Variants in HNF4G observed in about 807,000 individuals in gnomAD.
HNF4G encodes the protein hepatocyte nuclear factor 4-gamma.
A neutral mutation model predicts 50.9 loss-of-function variants in HNF4G; 21 were observed. That is an observed-to-expected ratio of 0.41 (90% CI 0.29 to 0.59). The LOEUF (loss-of-function observed/expected upper bound fraction) is 0.59, where lower values mean the gene tolerates loss of function less well. Ranked by LOEUF, HNF4G falls within the 20% of genes least tolerant of loss-of-function variation. HNF4G has a pLI of 0.26. For missense variants in HNF4G, 527 were observed against 559.4 expected (o/e 0.94, Z 0.58); for synonymous variants, 198 against 185.6 (o/e 1.07, Z -0.54).
intron 1 of HNF4G, among the ~76,000 whole-genome samples, chr8:75,434,763 G>A (rs1208967815): frequency 6.6e-6 from 1 of 151,782 alleles, no homozygotes; most frequent in Non-Finnish European, 1.5e-5. Context: ...GTATTACAAT[G>A]ATAATACAGG....
At chr8:75,539,769 A>G (rs543953406), upstream of HNF4G, 26 of 471,828 alleles carry the variant, frequency 5.5e-5, no homozygotes, top group Admixed American at 1.0e-3. Flanking sequence ...TTCATATGCC[A>G]TAAAAGAAGA....
chr8:75,553,394 G>T (rs1479557166), intron 5 of HNF4G, among the ~76,000 whole-genome samples, 197 bp downstream of exon 5: 1 of 152,004 alleles, frequency 6.6e-6, no homozygotes, highest in Non-Finnish European at 1.5e-5. Flanking sequence ...TCTATTTTAG[G>T]GGTGTAGCAA....
In HNF4G at chr8:75,416,105, TTTG is replaced by T. The variant is rs1191009805; in HGVS notation, c.-144+7946_-144+7948del. 5.3e-5 allele frequency among the ~76,000 whole-genome samples: 8 copies of T among 152,266 alleles called. No individual in the cohort carries two copies. In the East Asian group the frequency reaches 1.2e-3, roughly 22 times the overall value. On this transcript the variant is annotated intron_variant, in intron 1 of 10. Transcript: ENST00000354370. ...TAAAGTAAAATGATATGTTAGTTAA[TTTG>T]TTAAGACAAAAATAATGTGATCAAG...
At chr8:75,500,601 G>T (rs1334883146) in intron 2 of HNF4G, among the ~76,000 whole-genome samples, 2 of 152,096 alleles carry the variant, frequency 1.3e-5, no homozygotes. Flanking sequence ...AAACTGAATA[G>T]TGGAAATAAT....
At position 75,445,022 on chromosome 8, in the gene HNF4G, C is replaced by A. The variant is rs1248154754; in HGVS notation, c.-144+36860C>A. On this transcript the variant is annotated intron_variant, in intron 1 of 10. Coordinates refer to the HNF4G transcript ENST00000354370. ...CACCTATTCCAAAACTGACCACATACTTGGAAGTAAAGCTCTCCTCAGCAA... is the reference window on the plus strand; with the variant it reads ...CACCTATTCCAAAACTGACCACATAATTGGAAGTAAAGCTCTCCTCAGCAA... 5.3e-5 allele frequency among the ~76,000 whole-genome samples: 8 copies of A among 150,970 alleles called. No homozygotes were observed. In the South Asian group the frequency reaches 1.7e-3, roughly 32 times the overall value.
chr8:75,419,781 G>T (rs1453903826), intron 1 of HNF4G, among the ~76,000 whole-genome samples: 1 of 152,226 alleles, frequency 6.6e-6, no homozygotes, highest in Non-Finnish European at 1.5e-5. Context: ...GATTAGTTGT[G>T]TTATGGCTTT....
At chr8:75,451,906 A>G (rs1354150671) in intron 1 of HNF4G, among the ~76,000 whole-genome samples, 1 of 152,182 alleles carries the variant, frequency 6.6e-6, no homozygotes, top group African/African-American at 2.4e-5. Flanking sequence ...GCACACCTGT[A>G]CTCCAGCTTC....
chr8:75,553,009 T>A, intron 4 of HNF4G, 33 bp from the exon 5 acceptor site: 2 of 1,515,996 alleles, frequency 1.3e-6, no homozygotes, highest in Non-Finnish European at 1.8e-6. Context: ...TCTATTATTT[T>A]AAATGATAAT....
chr8:75,487,815 T>C (rs1417397680), intron 1 of HNF4G, among the ~76,000 whole-genome samples: 2 of 152,132 alleles, frequency 1.3e-5, no homozygotes, highest in Non-Finnish European at 2.9e-5. Flanking sequence ...GGGTAATTTA[T>C]AAAAGAAAGA....
chr8:75,541,451 A>G (rs971749814), intron 1 of HNF4G, among the ~76,000 whole-genome samples: 2 of 152,118 alleles, frequency 1.3e-5, no homozygotes, highest in Admixed American at 1.3e-4. Flanking sequence ...ATGTTACCAG[A>G]AGAAAAATGT....
In HNF4G at chr8:75,551,489, C is replaced by G. The variant is rs757866904; in HGVS notation, c.484C>G (p.Arg162Gly). The G allele has an allele frequency of 6.3e-7, 1 of 1,585,572 alleles. No homozygotes were observed. Among genetic ancestry groups the G allele is most frequent in the African/African-American group, 1.3e-5 (1 of 74,228 alleles). The change falls in exon 4 of 10, where the codon CGC becomes GGC. Residue 162 changes from arginine to glycine, a missense_variant. Transcript: ENST00000396423. ...NTLAQAEVRS[R>G]QISVSSPGSS... ...ACTGGCACAAGCTGAAGTTCGGTCT[C>G]GCCAGGTACCTGTGGCACGGCAGCA... is the stretch of plus-strand genomic sequence containing the variant.
At chr8:75,428,914 C>G (rs1314679825) in intron 1 of HNF4G, among the ~76,000 whole-genome samples, 1 of 151,778 alleles carries the variant, frequency 6.6e-6, no homozygotes, top group African/African-American at 2.4e-5. Context: ...TGGGTGGAGG[C>G]AAAAGTAGAT....
At chr8:75,551,242 G>T in intron 3 of HNF4G, 146 bp from the exon 4 acceptor site, 2 of 556,340 alleles carry the variant, frequency 3.6e-6, no homozygotes, top group South Asian at 2.3e-5. Context: ...TTTGAAAGTA[G>T]TGGAGAATGA....
intron 2 of HNF4G, among the ~76,000 whole-genome samples, chr8:75,504,230 GACACACACACACACACACACACAC>G (rs201513424): frequency 0.01 from 1,112 of 108,310 alleles, 10 homozygotes; most frequent in African/African-American, 0.047. Flanking sequence ...AAAGCACACA[GACACACACACACACACACACACAC>G]ACACACACAC....
At chr8:75,536,999 A>G (rs896669340), upstream of HNF4G, among the ~76,000 whole-genome samples, 1 of 152,156 alleles carries the variant, frequency 6.6e-6, no homozygotes, top group Non-Finnish European at 1.5e-5. Flanking sequence ...TCAATATAAG[A>G]GAGCCTGTAA....
At chr8:75,502,559 C>A (rs2926587) in intron 2 of HNF4G, among the ~76,000 whole-genome samples, 16 of 151,976 alleles carry the variant, frequency 1.1e-4, no homozygotes, top group African/African-American at 3.9e-4. Flanking sequence ...ACTAAAACGC[C>A]TCATCCTGTA....
At chr8:75,448,442 A>AT (rs71271862) in intron 1 of HNF4G, among the ~76,000 whole-genome samples, 78,155 of 118,698 alleles carry the variant, frequency 0.66, 25,712 homozygotes, top group African/African-American at 0.76. Context: ...AAAAAAAAAA[A>AT]AAGTGTCAGA....
At chr8:75,494,651 A>T (rs1231871683) in intron 2 of HNF4G, among the ~76,000 whole-genome samples, 4 of 152,114 alleles carry the variant, frequency 2.6e-5, no homozygotes, top group African/African-American at 9.7e-5. Flanking sequence ...TATCGCCTAG[A>T]TTACTGCCTT....
At chr8:75,555,882 A>G in intron 5 of HNF4G, 100 bp from the exon 6 acceptor site, 1 of 573,602 alleles carries the variant, frequency 1.7e-6, no homozygotes. Flanking sequence ...TTAAACAAAA[A>G]GTCCCAGGCT....
Sources: gnomAD v4.1 joint callset for allele counts (sites outside exome capture counted in the v4.1 genomes callset) on GRCh38, gnomAD v4.1.1 for gene constraint, MANE v1.5 for transcripts, NCBI Gene and HGNC (gene_info 2026-07-23, HGNC 2026-07-21) for gene names.